Variants in THTPA observed in about 807,000 individuals in gnomAD.
THTPA encodes thiamine triphosphatase.
Under a neutral mutation model 16.5 loss-of-function variants are expected in THTPA, and 16 were observed. The ratio of observed to expected loss-of-function variants is 0.97; its 90% CI spans 0.66 to 1.47. The LOEUF (loss-of-function observed/expected upper bound fraction) is 1.47. Among genes scored for constraint, THTPA ranks in the 40% most tolerant of loss-of-function variants. The pLI, the probability that THTPA is intolerant of heterozygous loss-of-function variation, is 0.00. For synonymous variants in THTPA, 110 were observed against 115.5 expected (o/e 0.95, Z 0.30); for missense variants, 281 against 280.9 (o/e 1.00, Z 0.00).
upstream of THTPA, among the ~76,000 whole-genome samples, chr14:23,553,816 C>A (rs1297149819): frequency 1.3e-5 from 2 of 152,144 alleles, no homozygotes; most frequent in African/African-American, 4.8e-5. Context: ...ATGGCATGAA[C>A]CCTGGAGGCG....
the THTPA span, chr14:23,531,787 T>A: frequency 7.9e-7 from 1 of 1,269,614 alleles, no homozygotes; most frequent in Non-Finnish European, 9.9e-7. Flanking sequence ...GGGACTTTTT[T>A]TTTTTTTCTA....
the THTPA span, among the ~76,000 whole-genome samples, chr14:23,550,798 C>A: frequency 7.9e-3 from 1,207 of 152,236 alleles, 14 homozygotes; most frequent in African/African-American, 0.027. Context: ...CAAAAACGAA[C>A]GAAGACTGAG....
At chr14:23,538,670 G>C in the THTPA span, among the ~76,000 whole-genome samples, 1 of 152,100 alleles carries the variant, frequency 6.6e-6, no homozygotes, top group Non-Finnish European at 1.5e-5. Flanking sequence ...TGTGGGTAAA[G>C]AGACAAGGCG....
At chr14:23,527,794 C>T in the THTPA span, 4 of 1,534,890 alleles carry the variant, frequency 2.6e-6, no homozygotes, top group African/African-American at 1.4e-5. Flanking sequence ...GCAGTATGGA[C>T]AGCAGTATAC....
Position 23,559,228 on chromosome 14 carries a change from G to A in THTPA, c.*388G>A, listed in dbSNP as rs1882972026. 8.5e-6 allele frequency: 2 copies of A among 234,726 alleles called. No homozygotes were observed. Among genetic ancestry groups the A allele is most frequent in the Non-Finnish European group, 1.7e-5 (2 of 117,886 alleles). The allele number at this position is 234,726 out of a possible 1,614,324, so 14.5% of individuals were successfully genotyped here. ...CCGCCTTACAGCTGAGTTAGAAGAT[G>A]AGGAGAGGCAGCAGGGATTTCCCTG... is the stretch of plus-strand genomic sequence containing the variant. On this transcript the variant is annotated 3_prime_UTR_variant, in exon 2 of 2. Transcript: ENST00000288014.
chr14:23,533,435 G>A, the THTPA span: 1 of 1,530,314 alleles, frequency 6.5e-7, no homozygotes. This position sits in a 1 kb window ranked among gnomAD's most constrained non-coding sequence, Gnocchi z 4.8. Flanking sequence ...TACTGGAAGA[G>A]TTCAGGGGGG....
the THTPA span, chr14:23,534,497 C>T: frequency 2.0e-6 from 3 of 1,536,204 alleles, no homozygotes; most frequent in South Asian, 1.2e-5. This position sits in a 1 kb window ranked among gnomAD's most constrained non-coding sequence, Gnocchi z 4.5. Flanking sequence ...TCCTGGAGTA[C>T]AGCTGGGCTA....
At chr14:23,526,710 A>C in the THTPA span, 18 of 1,535,702 alleles carry the variant, frequency 1.2e-5, no homozygotes, top group Non-Finnish European at 1.4e-5. Context: ...TACAATGAGG[A>C]GGGAACTTCG....
chr14:23,543,463 C>G, the THTPA span: 3 of 152,404 alleles, frequency 2.0e-5, no homozygotes, highest in Middle Eastern at 3.4e-3. Context: ...TTGTATTACT[C>G]TGTGTGTCAC....
At chr14:23,512,064 T>C in the THTPA span, among the ~76,000 whole-genome samples, 1 of 152,076 alleles carries the variant, frequency 6.6e-6, no homozygotes, top group East Asian at 1.9e-4. Context: ...CAATCTCTAC[T>C]TCTCTTCACA....
In THTPA at chr14:23,559,104, G is replaced by C. The variant is rs746907449; in HGVS notation, c.*264G>C. On this transcript the variant is annotated 3_prime_UTR_variant, in exon 2 of 2. Transcript: ENST00000288014. ...CATTGATTTCCGCTCGTGTTTATAG[G>C]ATTTCCACTTAGCCGTGATCAGTAG... The C allele has an allele frequency of 2.1e-6, 1 of 470,720 alleles. No homozygotes were observed. Among genetic ancestry groups the C allele is most frequent in the South Asian group, 2.5e-5 (1 of 40,392 alleles). The allele number at this position is 470,720 out of a possible 1,614,324, so 29.2% of individuals were successfully genotyped here. A position where few individuals can be genotyped will look rare whatever the true frequency, so the allele number is the denominator to read the frequency against.
chr14:23,556,992 T>TA lies in THTPA; in HGVS notation c.236dup (p.Tyr79Ter), dbSNP rs1470836857. The TA allele has an allele frequency of 3.1e-6, 5 of 1,613,646 alleles. No individual in the cohort carries two copies. Among genetic ancestry groups the TA allele is most frequent in the Admixed American group, 1.7e-5 (1 of 59,956 alleles). ...AGGTGTCTTAGGACCCCACACGGAGTATAAGGAACTCACAGCGGAACCTAC... is the reference window on the plus strand; with the variant it reads ...AGGTGTCTTAGGACCCCACACGGAGTAATAAGGAACTCACAGCGGAACCTAC... ...AAGVLGPHTE[Y>*]KELTAEPTIV... The change falls in exon 1 of 2, where the codon TAT becomes TAAT. Residue 79 changes from tyrosine to a stop codon, truncating the protein, a stop_gained and frameshift_variant. Coordinates refer to ENST00000288014, the MANE Select transcript of THTPA (RefSeq NM_024328.6). LOFTEE classifies it high-confidence loss of function.
the THTPA span, among the ~76,000 whole-genome samples, chr14:23,549,068 C>G: frequency 6.6e-6 from 1 of 152,150 alleles, no homozygotes; most frequent in Non-Finnish European, 1.5e-5. Context: ...CCTCCCTTCC[C>G]CCTCTTTACT....
chr14:23,553,927 GGTGGCAC>G (rs1398787428), upstream of THTPA, among the ~76,000 whole-genome samples: 3 of 151,770 alleles, frequency 2.0e-5, no homozygotes, highest in African/African-American at 7.3e-5. Flanking sequence ...AGGAGGGTGG[GGTGGCAC>G]GTGCCTGTAG....
At chr14:23,552,182 T>C (rs984698130), upstream of THTPA, among the ~76,000 whole-genome samples, 1 of 152,158 alleles carries the variant, frequency 6.6e-6, no homozygotes, top group East Asian at 1.9e-4. Flanking sequence ...CTTTAGTCTC[T>C]GAGAGCTTCT....
At chr14:23,557,584 T>G (rs1303297599) in intron 1 of THTPA, among the ~76,000 whole-genome samples, 1 of 152,190 alleles carries the variant, frequency 6.6e-6, no homozygotes, top group Non-Finnish European at 1.5e-5. Context: ...CTAAGTTTGC[T>G]TACAGTTCTG....
the THTPA span, among the ~76,000 whole-genome samples, chr14:23,536,330 C>T: frequency 6.6e-6 from 1 of 152,180 alleles, no homozygotes; most frequent in Non-Finnish European, 1.5e-5. Flanking sequence ...CTCAGATTTT[C>T]CATACCCTGA....
chr14:23,545,235 G>T, the THTPA span, among the ~76,000 whole-genome samples: 2 of 152,250 alleles, frequency 1.3e-5, no homozygotes, highest in Admixed American at 6.5e-5. Flanking sequence ...TGCCACTTCA[G>T]TTCCTCCCAT....
At chr14:23,535,240 G>T in the THTPA span, 1 of 1,519,166 alleles carries the variant, frequency 6.6e-7, no homozygotes, top group Non-Finnish European at 8.8e-7. The surrounding 1 kb of genome is among the most constrained non-coding windows in gnomAD (Gnocchi z 4.5). Flanking sequence ...GGTGCTGGAG[G>T]AGAAGGTGTC....
Sources: allele counts gnomAD v4.1 joint callset (sites outside exome capture counted in the v4.1 genomes callset), GRCh38; gene constraint gnomAD v4.1.1; non-coding constraint Gnocchi (gnomAD v3.1); transcripts MANE v1.5; gene names NCBI Gene and HGNC (gene_info 2026-07-23, HGNC 2026-07-21).